The following KDM4B variants were observed in gnomAD, a reference collection of about 807,000 sequenced individuals.
KDM4B encodes the protein lysine-specific demethylase 4B.
A neutral mutation model predicts 125.2 loss-of-function variants in KDM4B; 32 were observed. That is an observed-to-expected ratio of 0.26 (90% CI 0.19 to 0.34). The LOEUF (loss-of-function observed/expected upper bound fraction) is 0.34, where lower values mean the gene tolerates loss of function less well. Ranked by LOEUF, KDM4B falls within the 10% of genes least tolerant of loss-of-function variation. KDM4B has a pLI of 1.00. For missense variants in KDM4B, 1,190 were observed against 1,577.7 expected (o/e 0.75, Z 4.16); for synonymous variants, 721 against 677.9 (o/e 1.06, Z -0.99).
At chr19:5,083,942 G>A (rs2038386497) in intron 9 of KDM4B, among the ~76,000 whole-genome samples, 1 of 152,176 alleles carries the variant, frequency 6.6e-6, no homozygotes, top group Non-Finnish European at 1.5e-5. Flanking sequence ...GACTCTCGCA[G>A]CATTTTCTAG....
rs1031466977 is a variant in KDM4B at position 5,141,999 on chromosome 19, C to T, written c.2551-1968C>T. On this transcript the variant is annotated intron_variant, in intron 18 of 22. Coordinates refer to ENST00000159111, the MANE Select transcript of KDM4B (RefSeq NM_015015.3). This position sits in a 1 kb window ranked among gnomAD's most constrained non-coding sequence, Gnocchi z 6.4. ...GCTCCTCAGGGGTTGGGGTTGTTTG[C>T]GAAAGCAGGTTGGTGGACAGCCACT... Among the ~76,000 whole-genome samples, 13 of 152,272 alleles carry T rather than the reference C, an allele frequency of 8.5e-5. No homozygotes were observed. Among genetic ancestry groups the T allele is most frequent in the East Asian group, 1.9e-4 (1 of 5,186 alleles).
Position 5,146,421 on chromosome 19 carries a change from C to G in KDM4B, c.3021+1519C>G, listed in dbSNP as rs556301865. 9.8e-5 allele frequency among the ~76,000 whole-genome samples: 15 copies of G among 152,372 alleles called. No homozygotes were observed. In the South Asian group the frequency reaches 3.1e-3, roughly 32 times the overall value. ...GGGACAAGCCATCCCCATGGCCAGC[C>G]CTGTGGGAGCTACCACCAATCTCCA... On this transcript the variant is annotated intron_variant, in intron 21 of 22. Transcript: ENST00000159111.
intron 1 of KDM4B, among the ~76,000 whole-genome samples, chr19:4,990,990 G>A (rs1402005797): frequency 3.3e-5 from 5 of 152,012 alleles, no homozygotes; most frequent in Non-Finnish European, 5.9e-5. Context: ...GCGTGATGGC[G>A]GGCGCCTGTA....
At chr19:5,125,383 C>A (rs953753957) in intron 11 of KDM4B, among the ~76,000 whole-genome samples, 1 of 152,146 alleles carries the variant, frequency 6.6e-6, no homozygotes, top group African/African-American at 2.4e-5. Flanking sequence ...CCTCCCCATG[C>A]GTGGTCCTGG....
chr19:5,040,333 G>T (rs2036767559), intron 4 of KDM4B, among the ~76,000 whole-genome samples: 1 of 152,166 alleles, frequency 6.6e-6, no homozygotes, highest in Non-Finnish European at 1.5e-5. Flanking sequence ...CCTCAGAGAG[G>T]GCTCCCTGGC....
intron 6 of KDM4B, among the ~76,000 whole-genome samples, chr19:5,054,859 C>T (rs560724377): frequency 1.3e-5 from 2 of 152,358 alleles, no homozygotes; most frequent in South Asian, 4.1e-4. Flanking sequence ...CCCTCTGCCT[C>T]GCTCTTGTCA....
intron 7 of KDM4B, among the ~76,000 whole-genome samples, chr19:5,072,379 A>G (rs1475342411): frequency 6.6e-6 from 1 of 152,100 alleles, no homozygotes; most frequent in Non-Finnish European, 1.5e-5. Context: ...CTCTCCTGGC[A>G]TGTGCTCTCC....
chr19:5,144,176 C>A (rs1344595270), intron 19 of KDM4B, 24 bp downstream of exon 19: 1 of 1,590,828 alleles, frequency 6.3e-7, no homozygotes, highest in Non-Finnish European at 8.6e-7. Flanking sequence ...CGCCTCCTTG[C>A]CCCCAGCCCC....
chr19:5,116,703 A>G (rs572528537), intron 10 of KDM4B, among the ~76,000 whole-genome samples: 6 of 152,368 alleles, frequency 3.9e-5, no homozygotes, highest in African/African-American at 1.2e-4. Context: ...AGGCGTCCAA[A>G]GCAGGAGGCC....
chr19:5,017,994 C>T (rs1259865913), intron 2 of KDM4B, among the ~76,000 whole-genome samples: 5 of 151,936 alleles, frequency 3.3e-5, no homozygotes, highest in Non-Finnish European at 7.4e-5. Flanking sequence ...CCACCTTGGC[C>T]TCCCAAAGTG....
intron 1 of KDM4B, among the ~76,000 whole-genome samples, chr19:4,974,111 A>C (rs2034358723): frequency 6.6e-6 from 1 of 151,598 alleles, no homozygotes; most frequent in Non-Finnish European, 1.5e-5. Context: ...AAAAAAATAA[A>C]TAAGTGGCCG....
intron 9 of KDM4B, among the ~76,000 whole-genome samples, chr19:5,101,462 G>C (rs1369629828): frequency 1.3e-5 from 2 of 151,566 alleles, no homozygotes; most frequent in Non-Finnish European, 2.9e-5. Flanking sequence ...CTTCGGGGTC[G>C]GCAGTGAGCT....
chr19:5,119,997 C>T (rs1004527401), intron 11 of KDM4B, 145 bp downstream of exon 11: 10 of 1,084,672 alleles, frequency 9.2e-6, no homozygotes, highest in Middle Eastern at 3.1e-4. Context: ...TGGGGCATTT[C>T]GTGAAAATAG....
At chr19:4,979,119 C>T (rs998146731) in intron 1 of KDM4B, among the ~76,000 whole-genome samples, 1 of 152,074 alleles carries the variant, frequency 6.6e-6, no homozygotes, top group Non-Finnish European at 1.5e-5. Context: ...CCCATCTCTA[C>T]AAAAACTAGA....
At chr19:5,111,599 T>G (rs1191443853) in intron 10 of KDM4B, 2 of 727,538 alleles carry the variant, frequency 2.7e-6, no homozygotes, top group Non-Finnish European at 5.0e-6. Flanking sequence ...CTTCCAGGGC[T>G]CTGAGCTGCC....
At chr19:5,057,015 A>G (rs1240248345) in intron 6 of KDM4B, among the ~76,000 whole-genome samples, 2 of 147,986 alleles carry the variant, frequency 1.4e-5, no homozygotes, top group Non-Finnish European at 3.0e-5. Context: ...GCATGTAAGT[A>G]CCAGATATAT....
chr19:5,073,826 A>G (rs1469980327), intron 7 of KDM4B, among the ~76,000 whole-genome samples: 1 of 152,122 alleles, frequency 6.6e-6, no homozygotes, highest in East Asian at 1.9e-4. Context: ...CTTAGAAAGT[A>G]TGGACTCTGG....
Position 4,970,583 on chromosome 19 carries a change from C to T in KDM4B, c.-109+1353C>T, listed in dbSNP as rs569521759. On this transcript the variant is annotated intron_variant, in intron 1 of 22. Coordinates refer to ENST00000159111, the MANE Select transcript of KDM4B (RefSeq NM_015015.3). ...GGCTGGAGAATGCTCCTAAAAACAG[C>T]ACCAGTCCTAAAGCAGGCTCATTAG... 3.3e-5 allele frequency among the ~76,000 whole-genome samples: 5 copies of T among 152,296 alleles called. No homozygotes were observed. In the East Asian group the frequency reaches 9.6e-4, roughly 29 times the overall value.
chr19:5,139,167 C>G (rs1439095337), intron 18 of KDM4B, among the ~76,000 whole-genome samples: 1 of 152,202 alleles, frequency 6.6e-6, no homozygotes, highest in African/African-American at 2.4e-5. Flanking sequence ...TGAGATCTTC[C>G]TGCCTTGGCC....
Sources: gnomAD v4.1 joint callset for allele counts (sites outside exome capture counted in the v4.1 genomes callset) on GRCh38, gnomAD v4.1.1 for gene constraint, Gnocchi (gnomAD v3.1) non-coding constraint, MANE v1.5 for transcripts, NCBI Gene and HGNC (gene_info 2026-07-23, HGNC 2026-07-21) for gene names.